Variants in TTN observed in about 807,000 individuals in gnomAD.
TTN encodes the protein titin.
TTN carries 1,525 observed loss-of-function variants against 3,223.0 expected under a neutral mutation model. That is an observed-to-expected ratio of 0.47 (90% CI 0.45 to 0.49). The LOEUF is 0.49. Among genes scored for constraint, TTN ranks in the 20% least tolerant of loss-of-function variants. The probability of loss-of-function intolerance (pLI) is 0.00; values close to 1 mark genes in which losing one functional copy is unlikely to be tolerated. For synonymous variants in TTN, 14,094 were observed against 15,161.0 expected (o/e 0.93, Z 5.17); for missense variants, 40,786 against 43,424.0 (o/e 0.94, Z 5.40).
At position 178,732,430 on chromosome 2, in the gene TTN, C is replaced by T. The variant is rs539530049; in HGVS notation, c.16621+10G>A. On this transcript the variant is annotated intron_variant, in intron 56 of 362. Transcript: ENST00000589042. Reference sequence around the variant, plus strand: ...GGTTAGCACAAAGATGTCAAGAAAACAATGCAAACCTTTTACAAACAAGTT... The same window carrying T: ...GGTTAGCACAAAGATGTCAAGAAAATAATGCAAACCTTTTACAAACAAGTT... The T allele has an allele frequency of 6.5e-5, 104 of 1,591,784 alleles. 2 individuals are homozygous for T. The South Asian group carries it at 1.2e-3, about 18-fold the overall frequency.
Position 178,587,418 on chromosome 2 carries a change from C to T in TTN, c.63794-1G>A, listed in dbSNP as rs2049262622. On this transcript the variant is annotated splice_acceptor_variant, in intron 306 of 362. Coordinates refer to ENST00000589042, the MANE Select transcript of TTN (RefSeq NM_001267550.2). LOFTEE classifies it high-confidence loss of function. ...AAATCAGACACAGGCCCAGGAGTGT[C>T]TGTAAAGAATCATAAAATCAGATAT... 6.2e-7 allele frequency: 1 copy of T among 1,606,240 alleles called. No individual in the cohort carries two copies. Among genetic ancestry groups the T allele is most frequent in the Non-Finnish European group, 8.5e-7 (1 of 1,176,368 alleles).
Position 178,719,808 on chromosome 2 carries a change from G to A in TTN, c.23684C>T (p.Pro7895Leu). The A allele has an allele frequency of 1.2e-6, 2 of 1,611,298 alleles. No individual in the cohort carries two copies. The highest frequency in any genetic ancestry group is 1.1e-5 in the South Asian group (1 of 90,826). ...VLEPARIIEKPEPMTVTTGNP... is the reference protein window; with the variant it reads ...VLEPARIIEKLEPMTVTTGNP... Reference sequence around the variant, plus strand: ...TCCAGTAGTGACAGTCATGGGTTCGGGCTTCTCTATGATTCTTGCTGGTTC... The same window carrying A: ...TCCAGTAGTGACAGTCATGGGTTCGAGCTTCTCTATGATTCTTGCTGGTTC... Residue 7895 changes from proline to leucine, a missense_variant, in exon 82 of 363, where the codon CCC becomes CTC. Physicochemically the swap from Pro to Leu is moderately conservative, Grantham distance 98. Coordinates refer to ENST00000589042, the MANE Select transcript of TTN (RefSeq NM_001267550.2).
intron 270 of TTN, 37 bp downstream of exon 270, chr2:178,610,956 G>T (rs1559773915): frequency 6.2e-7 from 1 of 1,606,988 alleles, no homozygotes. Context: ...TCCTCTACAT[G>T]TGAAGAATGT....
rs372994306 is a variant in TTN at position 178,717,338 on chromosome 2, C to G, written c.25396G>C (p.Asp8466His). 37 of 1,613,294 alleles carry G rather than the reference C, an allele frequency of 2.3e-5. No homozygotes were observed. The highest frequency in any genetic ancestry group is 3.0e-5 in the Non-Finnish European group (35 of 1,179,466). ...GTACCACTTTCTCCAAGAGCAAGAT[C>G]TACTGATACAGGCTTTAGATCAAAG... ...PFFDLKPVSV[D>H]LALGESGTFK... is the part of the protein sequence containing the mutation. Residue 8466 changes from aspartate (D) to histidine (H), a missense_variant, in exon 88 of 363, where the codon GAT (aspartate) becomes CAT (histidine). Coordinates refer to ENST00000589042, the MANE Select transcript of TTN (RefSeq NM_001267550.2).
At position 178,664,697 on chromosome 2, in the gene TTN, C is replaced by A; in HGVS notation, c.36159G>T (p.Thr12053=). Residue 12053 remains threonine (T), a synonymous_variant, in exon 167 of 363, where the codon ACG becomes ACT. Coordinates refer to ENST00000589042, the MANE Select transcript of TTN (RefSeq NM_001267550.2). ...CAGGCTTTCTGAGAGGAACCACAAG[C>A]GTTTTCTTTTCAGGGACAATTTCTT... The part of the protein sequence containing the change: ...ALQEIVPEKK[T]LVVPLRKPEV... 1.2e-6 allele frequency: 2 copies of A among 1,612,386 alleles called. No homozygotes were observed. Among genetic ancestry groups the A allele is most frequent in the Non-Finnish European group, 1.7e-6 (2 of 1,179,674 alleles).
rs2154180366 is a variant in TTN at position 178,585,199 on chromosome 2, C to T, written c.64545G>A (p.Val21515=). ...GAATTGAAGAGCTGTCTGCTTTATG[C>T]ACTGCCAGGTGGCTGGATGTGACAA... The part of the protein sequence containing the change: ...DEVVTSSHLA[V]HKADSSSILI... The change falls in exon 309 of 363, where the codon GTG becomes GTA. Residue 21515 remains valine, a synonymous_variant. Transcript: ENST00000589042. The T allele has an allele frequency of 6.2e-7, 1 of 1,613,336 alleles. No individual in the cohort carries two copies. Among genetic ancestry groups the T allele is most frequent in the Non-Finnish European group, 8.5e-7 (1 of 1,179,482 alleles).
chr2:178,741,379 C>G lies in TTN; in HGVS notation c.11854G>C (p.Gly3952Arg), dbSNP rs772014276. 1 of 1,613,870 alleles carries G rather than the reference C, an allele frequency of 6.2e-7. No individual in the cohort carries two copies. ...KELKPIRCAQ[G>R]LPAIFEYTVV... ...GTGTACTCAAAGATGGCAGGAAGCCCTTGAGCACAGCGAATTGGTTTTAAC... is the reference window on the plus strand; with the variant it reads ...GTGTACTCAAAGATGGCAGGAAGCCGTTGAGCACAGCGAATTGGTTTTAAC... The change falls in exon 48 of 363, where the codon GGG becomes CGG. Residue 3952 changes from glycine to arginine, a missense_variant. Physicochemically the swap from Gly to Arg is moderately radical, Grantham distance 125 (BLOSUM62 -2). Coordinates refer to ENST00000589042, the MANE Select transcript of TTN (RefSeq NM_001267550.2).
chr2:178,570,582 G>C lies in TTN; in HGVS notation c.75550C>G (p.Leu25184Val). 6.2e-7 allele frequency: 1 copy of C among 1,613,354 alleles called. No individual in the cohort carries two copies. Among genetic ancestry groups the C allele is most frequent in the East Asian group, 2.2e-5 (1 of 44,732 alleles). The change falls in exon 326 of 363, where the codon CTG becomes GTG. Residue 25184 changes from leucine (L) to valine (V), a missense_variant. Leu to Val is a conservative substitution (Grantham distance 32). Coordinates refer to ENST00000589042, the MANE Select transcript of TTN (RefSeq NM_001267550.2). ...AVRVDSGNYI[L>V]KAKNVAGERS... is the part of the protein sequence containing the mutation. ...TCTCCTGCAACATTTTTGGCCTTCA[G>C]TATGTAATTTCCACTGTCGACACGT...
At chr2:178,679,520 G>T in intron 141 of TTN, 79 bp downstream of exon 141, 1 of 1,582,168 alleles carries the variant, frequency 6.3e-7, no homozygotes, top group South Asian at 1.2e-5. Context: ...ACACACACAA[G>T]GTTTTGAACT....
Position 178,698,928 on chromosome 2 carries a change from A to AG in TTN, c.30683-15_30683-14insC. ...CCTTTTTGGTAACTAAAAAAAAAAA[A>AG]AAAGAAAAAAAAAGAAAAAATATTT... On this transcript the variant is annotated splice_polypyrimidine_tract_variant and intron_variant, in intron 111 of 362. Transcript: ENST00000589042. The AG allele has an allele frequency of 6.7e-7, 1 of 1,493,134 alleles. No homozygotes were observed. Among genetic ancestry groups the AG allele is most frequent in the Non-Finnish European group, 8.9e-7 (1 of 1,129,556 alleles). 92.5% of individuals were successfully genotyped at this position (1,493,134 alleles called of 1,614,324 possible).
Position 178,688,168 on chromosome 2 carries a change from C to T in TTN, c.32254G>A (p.Val10752Ile), listed in dbSNP as rs72650028. Residue 10752 changes from valine to isoleucine, a missense_variant, in exon 127 of 363, where the codon GTT (valine) becomes ATT (isoleucine). Physicochemically the swap from Val to Ile is conservative, Grantham distance 29. Transcript: ENST00000589042. ...TCCTCTCTTTCTTCTTCTCTATAAA[C>T]TGAAATGGACACACCTTCCTCCTCT... ...SEEEEGVSIS[V>I]YREEEREEEE... The T allele has an allele frequency of 2.1e-3, 3,311 of 1,612,996 alleles. 63 individuals are homozygous for T. In the African/African-American group the frequency reaches 0.038, roughly 19 times the overall value.
chr2:178,539,072 T>C lies in TTN; in HGVS notation c.98863A>G (p.Thr32955Ala). The change falls in exon 353 of 363, where the codon ACA becomes GCA. Residue 32955 changes from threonine to alanine, a missense_variant. Transcript: ENST00000589042. ...VRHNKTQITT[T>A]MYTVTGLVPD... Reference sequence around the variant, plus strand: ...ACAAGCCCTGTGACAGTGTACATTGTGGTGGTGATCTGAGTCTTGTTGTGT... The same window carrying C: ...ACAAGCCCTGTGACAGTGTACATTGCGGTGGTGATCTGAGTCTTGTTGTGT... The C allele has an allele frequency of 1.2e-6, 2 of 1,613,790 alleles. 1 individual carries two copies. Among genetic ancestry groups the C allele is most frequent in the East Asian group, 4.5e-5 (2 of 44,868 alleles).
chr2:178,753,263 GTT>G, intron 46 of TTN, 83 bp from the exon 47 acceptor site: 1 of 1,150,422 alleles, frequency 8.7e-7, no homozygotes, highest in Non-Finnish European at 1.3e-6. Context: ...TATGATTAAA[GTT>G]TTCTTTTTAT....
chr2:178,733,263 A>G lies in TTN; in HGVS notation c.16030T>C (p.Cys5344Arg). Residue 5344 changes from cysteine (C) to arginine (R), a missense_variant, in exon 54 of 363, where the codon TGT becomes CGT. Physicochemically the swap from Cys to Arg is radical, Grantham distance 180. Coordinates refer to ENST00000589042, the MANE Select transcript of TTN (RefSeq NM_001267550.2). ...EISNEVGSSS[C>R]ETTFTVLDRD... ...CCTAATACAGTGAATGTAGTCTCAC[A>G]GGAGCTGCTGCCCACTTCATTGGAA... 2 of 1,607,322 alleles carry G rather than the reference A, an allele frequency of 1.2e-6. No homozygotes were observed. The highest frequency in any genetic ancestry group is 1.7e-6 in the Non-Finnish European group (2 of 1,175,938).
chr2:178,785,670 G>A lies in TTN; in HGVS notation c.2443C>T (p.His815Tyr), dbSNP rs769973643. The A allele has an allele frequency of 6.2e-7, 1 of 1,614,124 alleles. No individual in the cohort carries two copies. Residue 815 changes from histidine to tyrosine, a missense_variant, in exon 15 of 363, where the codon CAC becomes TAC. Physicochemically the swap from His to Tyr is moderately conservative, Grantham distance 83. Coordinates refer to ENST00000589042, the MANE Select transcript of TTN (RefSeq NM_001267550.2). ...ACAGAAATTTTTGAAACAGTAAAGT[G>A]AGGGCTAGCTGTGCGGGGGCGTTTA... The part of the protein sequence containing the change: ...VDKRPRTASP[H>Y]FTVSKISVPK...
Position 178,719,289 on chromosome 2 carries a change from C to G in TTN, c.24101G>C (p.Ser8034Thr). ...EIVSGPKCQS[S>T]FSENVCTLNL... ...CAAAGTACAGACGTTTTCCGAAAAG[C>G]TGGACTGACATTTGGGCCCACTAAC... The change falls in exon 83 of 363, where the codon AGC (serine) becomes ACC (threonine). Residue 8034 changes from serine (S) to threonine (T), a missense_variant. By Grantham distance (58) the Ser-to-Thr change is moderately conservative. Coordinates refer to ENST00000589042, the MANE Select transcript of TTN (RefSeq NM_001267550.2). The G allele has an allele frequency of 1.2e-6, 2 of 1,613,786 alleles. No individual in the cohort carries two copies. Among genetic ancestry groups the G allele is most frequent in the Non-Finnish European group, 1.7e-6 (2 of 1,179,752 alleles).
chr2:178,535,508 G>T lies in TTN; in HGVS notation c.101107C>A (p.Arg33703=), dbSNP rs766265889. 1.9e-6 allele frequency: 3 copies of T among 1,613,862 alleles called. No individual in the cohort carries two copies. Among genetic ancestry groups the T allele is most frequent in the Non-Finnish European group, 1.7e-6 (2 of 1,179,826 alleles). Residue 33703 remains arginine, a synonymous_variant, in exon 358 of 363, where the codon CGA becomes AGA. Coordinates refer to ENST00000589042, the MANE Select transcript of TTN (RefSeq NM_001267550.2). ...GTCCATGTTAAGTTGACAGAATCTC[G>T]TGAGACATCACTAACTTTGACTCCT... ...PRGVKVSDVS[R]DSVNLTWTEP...
Position 178,689,913 on chromosome 2 carries a change from C to T in TTN, c.31763-17G>A. 1 of 1,605,406 alleles carries T rather than the reference C, an allele frequency of 6.2e-7. No homozygotes were observed. Among genetic ancestry groups the T allele is most frequent in the Non-Finnish European group, 8.5e-7 (1 of 1,172,876 alleles). On this transcript the variant is annotated splice_polypyrimidine_tract_variant and intron_variant, in intron 121 of 362. Coordinates refer to ENST00000589042, the MANE Select transcript of TTN (RefSeq NM_001267550.2). Reference sequence around the variant, plus strand: ...CCTCTGGGACTTAAAGTTTTTGAAACACAATGTTAGTTCAGACATATATCA... The same window carrying T: ...CCTCTGGGACTTAAAGTTTTTGAAATACAATGTTAGTTCAGACATATATCA...
chr2:178,580,000 A>G lies in TTN; in HGVS notation c.67287T>C (p.Phe22429=). Residue 22429 remains phenylalanine, a synonymous_variant, in exon 318 of 363, where the codon TTT becomes TTC. Transcript: ENST00000589042. ...EEGKSYFFRV[F]AENEYGIGDP... ...CACCAATGCCATACTCATTTTCAGC[A>G]AACACTCGGAAGAAGTAGGATTTTC... The G allele has an allele frequency of 6.2e-7, 1 of 1,613,358 alleles. No homozygotes were observed. Among genetic ancestry groups the G allele is most frequent in the Non-Finnish European group, 8.5e-7 (1 of 1,179,514 alleles).
Sources: allele counts gnomAD v4.1 joint callset, GRCh38; gene constraint gnomAD v4.1.1; transcripts MANE v1.5; gene names NCBI Gene and HGNC (gene_info 2026-07-23, HGNC 2026-07-21).